The following ZMAT4 variants were observed in gnomAD, a reference collection of about 807,000 sequenced individuals.
ZMAT4 encodes zinc finger matrin-type protein 4.
In ZMAT4, 17 loss-of-function variants were observed where a neutral mutation model predicts 28.7. The ratio of observed to expected loss-of-function variants is 0.59; its 90% CI spans 0.41 to 0.89. The LOEUF is 0.89. ZMAT4 is among the 40% of genes least tolerant of loss of function. The probability of loss-of-function intolerance (pLI) is 0.00; values close to 1 mark genes in which losing one functional copy is unlikely to be tolerated. For synonymous variants in ZMAT4, 117 were observed against 109.2 expected, an observed-to-expected ratio of 1.07 and a Z score of -0.44; for missense variants, 240 against 283.8, an observed-to-expected ratio of 0.85 and a Z score of 1.11.
At chr8:40,633,823 C>G (rs1806687174) in intron 5 of ZMAT4, among the ~76,000 whole-genome samples, 1 of 152,228 alleles carries the variant, frequency 6.6e-6, no homozygotes, top group Non-Finnish European at 1.5e-5. Flanking sequence ...AAGATGTCCA[C>G]TACATCTGCA....
intron 5 of ZMAT4, among the ~76,000 whole-genome samples, chr8:40,584,741 C>A (rs2118557319): frequency 6.6e-6 from 1 of 152,244 alleles, no homozygotes; most frequent in Admixed American, 6.5e-5. Context: ...TCAAGCAATT[C>A]TCCTGCCTCA....
rs114265651 is a variant in ZMAT4 at position 40,670,060 on chromosome 8, A to G, written c.577+4644T>C. Among the ~76,000 whole-genome samples the G allele has an allele frequency of 4.1e-4, 63 of 152,334 alleles. No homozygotes were observed. The East Asian group carries it at 0.011, about 26-fold the overall frequency. On this transcript the variant is annotated intron_variant, in intron 5 of 6. Coordinates refer to ENST00000297737, the MANE Select transcript of ZMAT4 (RefSeq NM_024645.3). ...TTATGCAAGATTGATTCTAAAATTTATATAGACATTTAAAGGATTTAGAAC... is the reference window on the plus strand; with the variant it reads ...TTATGCAAGATTGATTCTAAAATTTGTATAGACATTTAAAGGATTTAGAAC...
intron 5 of ZMAT4, among the ~76,000 whole-genome samples, chr8:40,605,740 T>C (rs1805557221): frequency 6.6e-6 from 1 of 152,220 alleles, no homozygotes; most frequent in South Asian, 2.1e-4. Context: ...CTTGATAACC[T>C]GTCAAGTGCT....
chr8:40,876,409 C>A (rs1175749590), intron 1 of ZMAT4, among the ~76,000 whole-genome samples: 1 of 152,158 alleles, frequency 6.6e-6, no homozygotes, highest in Non-Finnish European at 1.5e-5. Context: ...GCCTCCTGGG[C>A]TCAAGTGATC....
chr8:40,569,916 C>T (rs371880108), intron 6 of ZMAT4, among the ~76,000 whole-genome samples: 2 of 152,180 alleles, frequency 1.3e-5, no homozygotes, highest in South Asian at 2.1e-4. Context: ...AAAGAAACGT[C>T]GGTTAAACTT....
intron 2 of ZMAT4, among the ~76,000 whole-genome samples, chr8:40,806,517 C>A (rs889249041): frequency 6.6e-6 from 1 of 152,134 alleles, no homozygotes; most frequent in Non-Finnish European, 1.5e-5. Flanking sequence ...ACGAAACAAC[C>A]ACATTTCGTT....
At chr8:40,811,111 T>C (rs1335723694) in intron 2 of ZMAT4, among the ~76,000 whole-genome samples, 3 of 152,168 alleles carry the variant, frequency 2.0e-5, no homozygotes, top group South Asian at 2.1e-4. Context: ...TCAGTAATAA[T>C]ATACCTTACG....
intron 1 of ZMAT4, among the ~76,000 whole-genome samples, chr8:40,892,468 G>C (rs1818730128): frequency 1.3e-5 from 2 of 152,238 alleles, no homozygotes; most frequent in Non-Finnish European, 2.9e-5. Flanking sequence ...CTGGAGTGGA[G>C]TGCATGGTGT....
chr8:40,713,948 A>G (rs1031745096), intron 3 of ZMAT4, among the ~76,000 whole-genome samples: 4 of 151,056 alleles, frequency 2.6e-5, no homozygotes, highest in African/African-American at 9.7e-5. Flanking sequence ...AAGAAAAAGA[A>G]AAAGAAAAAA....
In ZMAT4 at chr8:40,680,629, AGCCACAGGGTTCTCT is replaced by A. The variant is rs1385750790; in HGVS notation, c.350-5713_350-5699del. On this transcript the variant is annotated intron_variant, in intron 4 of 6. Transcript: ENST00000297737. ...TCTAGGCCCTTCCAGTTTGCCAAGG[AGCCACAGGGTTCTCT>A]GCCATTCAAGCTGACAACATACACT... is the stretch of plus-strand genomic sequence containing the variant. Among the ~76,000 whole-genome samples, 9 of 151,842 alleles carry A rather than the reference AGCCACAGGGTTCTCT, an allele frequency of 5.9e-5. No individual in the cohort carries two copies. The East Asian group carries it at 7.8e-4, about 13-fold the overall frequency.
chr8:40,808,552 C>T (rs1313971788), intron 2 of ZMAT4: 1 of 455,664 alleles, frequency 2.2e-6, no homozygotes, highest in South Asian at 1.6e-5. Context: ...ATTGCTCATT[C>T]CCAGAGGAAC....
chr8:40,855,499 G>A (rs1174997923), intron 1 of ZMAT4, among the ~76,000 whole-genome samples: 1 of 152,046 alleles, frequency 6.6e-6, no homozygotes, highest in African/African-American at 2.4e-5. Context: ...TGTTCCACTA[G>A]GTAGCCAATG....
intron 1 of ZMAT4, among the ~76,000 whole-genome samples, chr8:40,855,075 T>G (rs1410526909): frequency 6.6e-6 from 1 of 152,188 alleles, no homozygotes; most frequent in East Asian, 1.9e-4. Flanking sequence ...ACAGCTAATT[T>G]GAACACAGTG....
intron 5 of ZMAT4, among the ~76,000 whole-genome samples, chr8:40,590,078 G>A (rs1307938470): frequency 6.8e-6 from 1 of 146,716 alleles, no homozygotes; most frequent in Non-Finnish European, 1.5e-5. Flanking sequence ...AGAATACAGT[G>A]GCATGATTGT....
At chr8:40,779,093 G>A (rs945294253) in intron 2 of ZMAT4, among the ~76,000 whole-genome samples, 3 of 152,084 alleles carry the variant, frequency 2.0e-5, no homozygotes, top group Admixed American at 6.5e-5. Flanking sequence ...GGAGGGACCT[G>A]GTGGGAGATA....
At chr8:40,793,272 C>T (rs1364695392) in intron 2 of ZMAT4, among the ~76,000 whole-genome samples, 5 of 152,160 alleles carry the variant, frequency 3.3e-5, no homozygotes, top group Admixed American at 3.3e-4. Flanking sequence ...TTTAAAAATA[C>T]AGAAACAAAA....
At chr8:40,775,296 A>G (rs1813543495) in intron 2 of ZMAT4, among the ~76,000 whole-genome samples, 1 of 152,324 alleles carries the variant, frequency 6.6e-6, no homozygotes, top group African/African-American at 2.4e-5. Flanking sequence ...TGAAAGACTC[A>G]CACATCTACT....
At chr8:40,804,584 T>C (rs1352205688) in intron 2 of ZMAT4, among the ~76,000 whole-genome samples, 2 of 152,258 alleles carry the variant, frequency 1.3e-5, no homozygotes, top group East Asian at 1.9e-4. Flanking sequence ...CTTACTCCTG[T>C]AATCCCAGCA....
intron 1 of ZMAT4, among the ~76,000 whole-genome samples, chr8:40,862,082 AG>A (rs1335095859): frequency 6.6e-6 from 1 of 152,218 alleles, no homozygotes; most frequent in Non-Finnish European, 1.5e-5. Context: ...ATATACCCAA[AG>A]GATTATAAAT....
Sources: gnomAD v4.1 joint callset for allele counts (sites outside exome capture counted in the v4.1 genomes callset) on GRCh38, gnomAD v4.1.1 for gene constraint, MANE v1.5 for transcripts, NCBI Gene and HGNC (gene_info 2026-07-23, HGNC 2026-07-21) for gene names.